Variants in NBEA observed in about 807,000 individuals in gnomAD.
The protein encoded by NBEA is lysosomal-trafficking regulator 2.
A neutral mutation model predicts 343.4 loss-of-function variants in NBEA; 44 were observed. The observed-to-expected ratio is 0.13, with a 90% CI of 0.10 to 0.16. The LOEUF is 0.16. Among genes scored for constraint, NBEA ranks in the 10% least tolerant of loss-of-function variants. The pLI is 1.00. For missense variants in NBEA, 2,555 were observed against 3,631.3 expected (o/e 0.70, Z 7.62); for synonymous variants, 1,175 against 1,238.7 (o/e 0.95, Z 1.08).
chr13:35,540,514 A>G (rs1430078188), intron 41 of NBEA, among the ~76,000 whole-genome samples: 1 of 152,196 alleles, frequency 6.6e-6, no homozygotes, highest in Non-Finnish European at 1.5e-5. Context: ...ATATTTACAC[A>G]AGAACATTCA....
chr13:35,493,460 T>G (rs551075185), intron 41 of NBEA, among the ~76,000 whole-genome samples: 8 of 152,064 alleles, frequency 5.3e-5, no homozygotes, highest in African/African-American at 1.7e-4. Flanking sequence ...TCTGCCCAAG[T>G]GATAATCCAC....
intron 1 of NBEA, among the ~76,000 whole-genome samples, chr13:34,966,621 G>GTTT (rs796166986): frequency 3.0e-5 from 4 of 131,426 alleles, no homozygotes; most frequent in African/African-American, 8.3e-5. Flanking sequence ...CTGAGCCTGT[G>GTTT]TTTTTTTTTT....
At chr13:35,458,781 G>C (rs569836728) in intron 40 of NBEA, among the ~76,000 whole-genome samples, 1 of 152,142 alleles carries the variant, frequency 6.6e-6, no homozygotes, top group South Asian at 2.1e-4. Context: ...GTCTCTGTAA[G>C]TTCCAATTTA....
intron 33 of NBEA, among the ~76,000 whole-genome samples, chr13:35,217,902 A>G (rs1192567713): frequency 1.3e-5 from 2 of 152,110 alleles, no homozygotes; most frequent in Admixed American, 1.3e-4. Context: ...CAGGCTTCAC[A>G]TAAGTAGATT....
At chr13:35,648,121 C>G (rs1024591820) in intron 51 of NBEA, among the ~76,000 whole-genome samples, 3 of 151,376 alleles carry the variant, frequency 2.0e-5, no homozygotes, top group Admixed American at 2.0e-4. Context: ...CCCTCAGTCT[C>G]CCAAAGCGCT....
chr13:35,565,971 G>T (rs1036482219), intron 44 of NBEA, among the ~76,000 whole-genome samples: 99 of 152,268 alleles, frequency 6.5e-4, no homozygotes, highest in Middle Eastern at 3.4e-3. Context: ...GAGTACTTCT[G>T]TCCACTCGCA....
At chr13:35,040,110 T>C (rs2062595246) in intron 1 of NBEA, among the ~76,000 whole-genome samples, 1 of 152,144 alleles carries the variant, frequency 6.6e-6, no homozygotes, top group Non-Finnish European at 1.5e-5. Context: ...ATCTTATCGT[T>C]CTTTAGACCA....
chr13:35,604,055 T>A (rs529913269), intron 47 of NBEA, among the ~76,000 whole-genome samples: 1 of 152,300 alleles, frequency 6.6e-6, no homozygotes, highest in African/African-American at 2.4e-5. Context: ...TACTCTCCTG[T>A]CAGCGATCAA....
intron 34 of NBEA, among the ~76,000 whole-genome samples, chr13:35,259,075 A>T (rs1329285031): frequency 6.6e-6 from 1 of 152,216 alleles, no homozygotes; most frequent in Non-Finnish European, 1.5e-5. Context: ...GTCAAGCAGC[A>T]TTTGTGGTTC....
chr13:35,502,898 T>A (rs1012081611), intron 41 of NBEA, among the ~76,000 whole-genome samples: 9 of 152,004 alleles, frequency 5.9e-5, no homozygotes, highest in African/African-American at 1.9e-4. Flanking sequence ...AAGTTTTGGA[T>A]TTTTTTTATT....
rs372453195 is a variant in NBEA at position 34,985,467 on chromosome 13, C to T, written c.294+42353C>T. ...AGTATTTTATTGAGGATTTTTGCAT[C>T]GATGTTCATCAGGGATATTGGTCTA... On this transcript the variant is annotated intron_variant, in intron 1 of 58. Coordinates refer to ENST00000379939, the MANE Select transcript of NBEA (RefSeq NM_001385012.1). Among the ~76,000 whole-genome samples the T allele has an allele frequency of 5.0e-4, 75 of 150,990 alleles. 2 individuals are homozygous for T. The South Asian group carries it at 0.015, about 30-fold the overall frequency.
intron 34 of NBEA, among the ~76,000 whole-genome samples, chr13:35,242,518 C>A (rs185956431): frequency 3.3e-5 from 5 of 151,938 alleles, no homozygotes; most frequent in Non-Finnish European, 7.4e-5. Flanking sequence ...AAAAACTTCT[C>A]AAATTTTAGG....
intron 1 of NBEA, among the ~76,000 whole-genome samples, chr13:34,994,694 G>C (rs1423583026): frequency 6.6e-6 from 1 of 152,058 alleles, no homozygotes; most frequent in Non-Finnish European, 1.5e-5. Flanking sequence ...TGACCACCAG[G>C]TAACTTGTTG....
At chr13:35,384,317 A>G (rs1304084722) in intron 38 of NBEA, among the ~76,000 whole-genome samples, 4 of 152,230 alleles carry the variant, frequency 2.6e-5, no homozygotes, top group Admixed American at 1.3e-4. Context: ...ATTGCTAACC[A>G]GTAAATTACA....
intron 43 of NBEA, among the ~76,000 whole-genome samples, chr13:35,553,149 C>A (rs1394145463): frequency 6.6e-6 from 1 of 152,064 alleles, no homozygotes; most frequent in Non-Finnish European, 1.5e-5. Context: ...ACTTAAGCCT[C>A]CCGAAGTGCT....
rs779659437 is a variant in NBEA at position 34,942,976 on chromosome 13, C to T, written c.156C>T (p.Gly52=). ...AGCTAAGGGGGGCGTCCGGCTCCGG[C>T]TCGGTGATGCTCCCCGCGGGGATGA... The part of the protein sequence containing the change: ...MGELRGASGS[G]SVMLPAGMIN... Residue 52 remains glycine, a synonymous_variant, in exon 1 of 59, where the codon GGC becomes GGT. Transcript: ENST00000379939. The T allele has an allele frequency of 9.3e-6, 15 of 1,605,394 alleles. No homozygotes were observed. Among genetic ancestry groups the T allele is most frequent in the Middle Eastern group, 3.5e-4 (2 of 5,702 alleles).
intron 35 of NBEA, among the ~76,000 whole-genome samples, chr13:35,306,973 C>A (rs2152830182): frequency 6.6e-6 from 1 of 152,144 alleles, no homozygotes; most frequent in Non-Finnish European, 1.5e-5. Context: ...CTGAATTTCA[C>A]ATTCTTTTTT....
Position 35,539,655 on chromosome 13 carries a change from G to A in NBEA, c.6586-10822G>A, listed in dbSNP as rs565199148. Among the ~76,000 whole-genome samples, 7 of 113,620 alleles carry A rather than the reference G, an allele frequency of 6.2e-5. No homozygotes were observed. The South Asian group carries it at 1.3e-3, about 22-fold the overall frequency. 74.5% of individuals were successfully genotyped at this position (113,620 alleles called of 152,430 possible). On this transcript the variant is annotated intron_variant, in intron 41 of 58. Transcript: ENST00000379939. ...ACTAGGGCCGGGCGGGGTGGCTCAC[G>A]CCTGTAATACCAGCACTTTGGGAGG...
chr13:35,117,214 A>T (rs2066540998), intron 13 of NBEA, among the ~76,000 whole-genome samples, 200 bp from the exon 14 acceptor site: 1 of 151,826 alleles, frequency 6.6e-6, no homozygotes, highest in African/African-American at 2.4e-5. Flanking sequence ...GACATTCAGT[A>T]AATAATTTGA....
Sources: allele counts gnomAD v4.1 joint callset (sites outside exome capture counted in the v4.1 genomes callset), GRCh38; gene constraint gnomAD v4.1.1; transcripts MANE v1.5; gene names NCBI Gene and HGNC (gene_info 2026-07-23, HGNC 2026-07-21).